Variants in PRKCA observed in about 807,000 individuals in gnomAD.
PRKCA encodes the protein protein kinase C alpha type.
PRKCA carries 27 observed loss-of-function variants against 87.0 expected under a neutral mutation model. That is an observed-to-expected ratio of 0.31 (90% CI 0.23 to 0.43). The LOEUF is 0.43. Ranked by LOEUF, PRKCA falls within the 20% of genes least tolerant of loss-of-function variation. The probability of loss-of-function intolerance (pLI) is 1.00; values close to 1 mark genes in which losing one functional copy is unlikely to be tolerated. For synonymous variants in PRKCA, 329 were observed against 311.1 expected, an observed-to-expected ratio of 1.06 and a Z score of -0.61; for missense variants, 518 against 852.3, an observed-to-expected ratio of 0.61 and a Z score of 4.88.
chr17:66,671,084 G>T (rs568091488), intron 5 of PRKCA, among the ~76,000 whole-genome samples: 1 of 151,184 alleles, frequency 6.6e-6, no homozygotes, highest in South Asian at 2.1e-4. Flanking sequence ...GGTGGTGTGC[G>T]CCTGTAATCC....
chr17:66,504,345 T>C (rs1036332077), intron 3 of PRKCA, among the ~76,000 whole-genome samples: 8 of 152,082 alleles, frequency 5.3e-5, no homozygotes, highest in Non-Finnish European at 1.2e-4. Flanking sequence ...TCCCAGCACT[T>C]TGGGAGGCCG....
chr17:66,657,622 C>T (rs1030727614), intron 5 of PRKCA, among the ~76,000 whole-genome samples: 28 of 152,212 alleles, frequency 1.8e-4, no homozygotes, highest in Middle Eastern at 3.4e-3. Context: ...TCTTATGGCC[C>T]GCACAGGTGG....
At chr17:66,362,678 T>C (rs1908460321) in intron 2 of PRKCA, among the ~76,000 whole-genome samples, 1 of 151,888 alleles carries the variant, frequency 6.6e-6, no homozygotes. Context: ...TGCAGGTTTT[T>C]TTTTTTTTTT....
chr17:66,523,437 TTGTC>T (rs1336948145), intron 3 of PRKCA, among the ~76,000 whole-genome samples: 1 of 152,088 alleles, frequency 6.6e-6, no homozygotes, highest in Non-Finnish European at 1.5e-5. Flanking sequence ...AGACCACAGT[TTGTC>T]TGTGGGCAGA....
At chr17:66,628,764 A>G (rs1322645172) in intron 3 of PRKCA, among the ~76,000 whole-genome samples, 1 of 152,210 alleles carries the variant, frequency 6.6e-6, no homozygotes, top group East Asian at 1.9e-4. Context: ...GCTGTGGCTC[A>G]CACCTCTAAT....
intron 2 of PRKCA, among the ~76,000 whole-genome samples, chr17:66,357,054 C>T (rs1298438613): frequency 1.3e-5 from 2 of 152,216 alleles, no homozygotes; most frequent in African/African-American, 4.8e-5. Context: ...GCCACCACGC[C>T]CAGCCAAAAT....
intron 9 of PRKCA, among the ~76,000 whole-genome samples, chr17:66,733,433 A>G (rs1973954652): frequency 6.6e-6 from 1 of 152,178 alleles, no homozygotes; most frequent in Admixed American, 6.5e-5. Context: ...CACAGGCACA[A>G]TGGATGAACA....
intron 2 of PRKCA, among the ~76,000 whole-genome samples, chr17:66,325,837 C>A (rs914871737): frequency 2.6e-5 from 4 of 152,122 alleles, no homozygotes; most frequent in African/African-American, 9.7e-5. Context: ...AAAATTTGAC[C>A]TTTAAAATGA....
chr17:66,373,722 C>G (rs1339937354), intron 2 of PRKCA, among the ~76,000 whole-genome samples: 1 of 152,162 alleles, frequency 6.6e-6, no homozygotes, highest in Non-Finnish European at 1.5e-5. Context: ...GATGCTAAAC[C>G]AGTTAACCTT....
chr17:66,585,068 G>A (rs35625961), intron 3 of PRKCA, among the ~76,000 whole-genome samples: 1 of 150,756 alleles, frequency 6.6e-6, no homozygotes, highest in Middle Eastern at 3.4e-3. Context: ...GCATGGGGAG[G>A]GGGGGGTGGT....
At chr17:66,303,134 C>T (rs1598576236) in intron 1 of PRKCA, 110 bp downstream of exon 1, 3 of 1,412,214 alleles carry the variant, frequency 2.1e-6, no homozygotes, top group Non-Finnish European at 2.9e-6. Flanking sequence ...TAACTTGGAA[C>T]CGGCGGGAGT....
rs138941756 is a variant in PRKCA, at chr17:66,517,947, A to G, written c.288+21664A>G. On this transcript the variant is annotated intron_variant, in intron 3 of 16. Transcript: ENST00000413366. ...TTAGGATGGTTGTGAGTACGGCTGC[A>G]GGTTCCCTTTTGCTTATTGAAATAG... Among the ~76,000 whole-genome samples the G allele has an allele frequency of 3.0e-4, 45 of 152,310 alleles. No individual in the cohort carries two copies. In the East Asian group the frequency reaches 7.5e-3, roughly 25 times the overall value.
intron 2 of PRKCA, among the ~76,000 whole-genome samples, chr17:66,359,965 T>G (rs1908292215): frequency 6.6e-6 from 1 of 152,206 alleles, no homozygotes; most frequent in Admixed American, 6.5e-5. Flanking sequence ...TTAGCTCTGT[T>G]TTTATCACTC....
At chr17:66,531,423 G>A (rs1396156397) in intron 3 of PRKCA, among the ~76,000 whole-genome samples, 3 of 152,128 alleles carry the variant, frequency 2.0e-5, no homozygotes, top group Non-Finnish European at 2.9e-5. Flanking sequence ...GGAGCCGGTG[G>A]CATCCTTGCT....
intron 3 of PRKCA, among the ~76,000 whole-genome samples, chr17:66,596,029 C>T (rs761782456): frequency 6.6e-6 from 1 of 152,152 alleles, no homozygotes; most frequent in African/African-American, 2.4e-5. Flanking sequence ...TGGGTCGCCT[C>T]AGGCCCTCCT....
chr17:66,547,349 A>T, intron 3 of PRKCA, among the ~76,000 whole-genome samples: 1 of 152,012 alleles, frequency 6.6e-6, no homozygotes, highest in Non-Finnish European at 1.5e-5. Flanking sequence ...CTCAGTCCCA[A>T]TCCCAGGTCC....
At chr17:66,780,140 G>A (rs967616088) in intron 14 of PRKCA, among the ~76,000 whole-genome samples, 1 of 152,142 alleles carries the variant, frequency 6.6e-6, no homozygotes, top group African/African-American at 2.4e-5. Flanking sequence ...CACCTGGGAC[G>A]TTATTATGGG....
At chr17:66,369,533 T>G (rs1042736830) in intron 2 of PRKCA, among the ~76,000 whole-genome samples, 1 of 152,212 alleles carries the variant, frequency 6.6e-6, no homozygotes, top group Non-Finnish European at 1.5e-5. Context: ...TGGGATGGAT[T>G]AATAAGCTTG....
intron 2 of PRKCA, among the ~76,000 whole-genome samples, chr17:66,391,340 C>T (rs1013882857): frequency 2.6e-5 from 4 of 152,140 alleles, no homozygotes; most frequent in African/African-American, 9.7e-5. Context: ...CCTTGGTTCC[C>T]CCTTCCTCCT....
Sources: gnomAD v4.1 joint callset for allele counts (sites outside exome capture counted in the v4.1 genomes callset) on GRCh38, gnomAD v4.1.1 for gene constraint, MANE v1.5 for transcripts, NCBI Gene and HGNC (gene_info 2026-07-23, HGNC 2026-07-21) for gene names.